Variants in MAP2K4 observed in about 807,000 individuals in gnomAD.
The protein encoded by MAP2K4 is mitogen-activated protein kinase kinase 4.
In MAP2K4, 4 loss-of-function variants were observed where a neutral mutation model predicts 48.5. That is an observed-to-expected ratio of 0.08 (90% CI 0.04 to 0.19). The LOEUF is 0.19. Among genes scored for constraint, MAP2K4 ranks in the 10% least tolerant of loss-of-function variants. The pLI, the probability that MAP2K4 is intolerant of heterozygous loss-of-function variation, is 1.00. For missense variants in MAP2K4, 258 were observed against 493.3 expected (o/e 0.52, Z 4.52); for synonymous variants, 166 against 173.1 (o/e 0.96, Z 0.32).
At chr17:12,109,205 G>A (rs1189003888) in intron 5 of MAP2K4, among the ~76,000 whole-genome samples, 1 of 151,964 alleles carries the variant, frequency 6.6e-6, no homozygotes, top group Non-Finnish European at 1.5e-5. Context: ...CCAGAACCCT[G>A]CTCTTAACCG....
chr17:12,081,592 T>A lies in MAP2K4; in HGVS notation c.393+62T>A. ...CATTAGGTGAAATTTCATGGTGCAG[T>A]AATACCACTGTTGTTGTGTTCCTAC... On this transcript the variant is annotated intron_variant, in intron 3 of 10. Coordinates refer to ENST00000353533, the MANE Select transcript of MAP2K4 (RefSeq NM_003010.4). The surrounding 1 kb of genome is among the most constrained non-coding windows in gnomAD (Gnocchi z 4.2). 6.7e-7 allele frequency: 1 copy of A among 1,497,480 alleles called. No individual in the cohort carries two copies. Among genetic ancestry groups the A allele is most frequent in the Non-Finnish European group, 9.2e-7 (1 of 1,087,626 alleles). The allele number at this position is 1,497,480 out of a possible 1,614,324, so 92.8% of individuals were successfully genotyped here.
intron 2 of MAP2K4, among the ~76,000 whole-genome samples, chr17:12,066,883 G>A (rs1384894220): frequency 1.3e-5 from 2 of 152,164 alleles, no homozygotes; most frequent in East Asian, 3.9e-4. Flanking sequence ...TAGAGACGGG[G>A]CTTCACCGTG....
At chr17:12,025,161 C>A (rs974440939) in intron 1 of MAP2K4, among the ~76,000 whole-genome samples, 20 of 152,148 alleles carry the variant, frequency 1.3e-4, no homozygotes, top group African/African-American at 4.8e-4. Context: ...GAGCACTGGA[C>A]TTAGACTCAG....
chr17:12,117,166 T>A (rs1043113634), intron 7 of MAP2K4, among the ~76,000 whole-genome samples: 1 of 152,150 alleles, frequency 6.6e-6, no homozygotes, highest in African/African-American at 2.4e-5. Flanking sequence ...CTTCAGTGCA[T>A]ATCTCCCAAG....
chr17:12,076,237 G>A (rs1970997832), intron 2 of MAP2K4, among the ~76,000 whole-genome samples: 1 of 151,292 alleles, frequency 6.6e-6, no homozygotes, highest in Non-Finnish European at 1.5e-5. Context: ...GCTTTTCTCA[G>A]TGTCCAGTCT....
intron 1 of MAP2K4, among the ~76,000 whole-genome samples, chr17:12,051,718 A>G (rs989573882): frequency 8.5e-5 from 13 of 152,138 alleles, no homozygotes; most frequent in African/African-American, 3.1e-4. Flanking sequence ...AGTTGTTTCA[A>G]GTTTTTGAAA....
At chr17:12,104,171 A>T (rs987863689) in intron 4 of MAP2K4, among the ~76,000 whole-genome samples, 2 of 152,152 alleles carry the variant, frequency 1.3e-5, no homozygotes, top group Non-Finnish European at 2.9e-5. Context: ...CTTACTTTAT[A>T]GTTTCAGTTG....
intron 3 of MAP2K4, among the ~76,000 whole-genome samples, chr17:12,085,800 G>A (rs1567651979): frequency 1.3e-5 from 2 of 152,060 alleles, no homozygotes; most frequent in Admixed American, 1.3e-4. Flanking sequence ...TGAGTAGAAC[G>A]GAACTTTAAT....
chr17:12,112,232 G>A (rs1393871754), intron 6 of MAP2K4, among the ~76,000 whole-genome samples: 1 of 152,132 alleles, frequency 6.6e-6, no homozygotes, highest in Non-Finnish European at 1.5e-5. Context: ...GGAGACCAAG[G>A]CAGCTGGATC....
chr17:12,048,622 G>A (rs926019170), intron 1 of MAP2K4, among the ~76,000 whole-genome samples: 1 of 151,904 alleles, frequency 6.6e-6, no homozygotes, highest in Non-Finnish European at 1.5e-5. Flanking sequence ...CTGATATTGC[G>A]AGTCTAACAT....
intron 3 of MAP2K4, among the ~76,000 whole-genome samples, chr17:12,088,414 A>G (rs1369168418): frequency 7.3e-6 from 1 of 137,880 alleles, no homozygotes; most frequent in Non-Finnish European, 1.5e-5. Context: ...GTAATATTAT[A>G]TATAAATTAT....
chr17:12,076,327 T>TGTG (rs1971006862), intron 2 of MAP2K4, among the ~76,000 whole-genome samples: 1 of 77,954 alleles, frequency 1.3e-5, no homozygotes, highest in Admixed American at 1.3e-4. Flanking sequence ...GTGTGTGTGT[T>TGTG]TAGTCTGTAG....
intron 1 of MAP2K4, among the ~76,000 whole-genome samples, chr17:12,030,479 TTA>T (rs370409043): frequency 1.6e-4 from 25 of 152,214 alleles, no homozygotes; most frequent in African/African-American, 6.0e-4. Context: ...TTGTAGCTAC[TTA>T]TATAGATTCT....
intron 5 of MAP2K4, among the ~76,000 whole-genome samples, chr17:12,108,160 T>C (rs200499970): frequency 6.6e-6 from 1 of 152,170 alleles, no homozygotes; most frequent in Admixed American, 6.5e-5. Flanking sequence ...TAAATAAAGC[T>C]AGGAAAAGCA....
At position 12,129,304 on chromosome 17, in the gene MAP2K4, T is replaced by C. The variant is rs377136383; in HGVS notation, c.1040+17T>C. ...CAACTTGTGGTGAGTACCTGATTTA[T>C]GAATGGTCGAACACGCATGGCGAGA... is the stretch of plus-strand genomic sequence containing the variant. On this transcript the variant is annotated intron_variant, in intron 9 of 10. Coordinates refer to ENST00000353533, the MANE Select transcript of MAP2K4 (RefSeq NM_003010.4). The C allele has an allele frequency of 7.1e-5, 114 of 1,614,204 alleles. 1 individual carries two copies. The African/African-American group carries it at 1.4e-3, about 19-fold the overall frequency.
intron 8 of MAP2K4, among the ~76,000 whole-genome samples, chr17:12,126,514 A>G (rs1190359377): frequency 6.6e-6 from 1 of 152,228 alleles, no homozygotes; most frequent in Non-Finnish European, 1.5e-5. Context: ...TTCCTGGTTC[A>G]TAAACAGCCA....
chr17:12,023,365 G>A (rs1395127467), intron 1 of MAP2K4, among the ~76,000 whole-genome samples: 1 of 152,132 alleles, frequency 6.6e-6, no homozygotes, highest in Non-Finnish European at 1.5e-5. Context: ...CCATCCAATT[G>A]TATGGGAGTC....
intron 3 of MAP2K4, among the ~76,000 whole-genome samples, chr17:12,086,653 A>G (rs1259559006): frequency 6.6e-6 from 1 of 152,186 alleles, no homozygotes; most frequent in Non-Finnish European, 1.5e-5. Context: ...TAGGGGTACA[A>G]TTAAGACAGT....
intron 7 of MAP2K4, among the ~76,000 whole-genome samples, chr17:12,122,419 A>G (rs1373930621): frequency 6.6e-6 from 1 of 152,214 alleles, no homozygotes; most frequent in East Asian, 1.9e-4. Flanking sequence ...TTCTAAATTG[A>G]TTGAGACCTG....
Sources: allele counts gnomAD v4.1 joint callset (sites outside exome capture counted in the v4.1 genomes callset), GRCh38; gene constraint gnomAD v4.1.1; non-coding constraint Gnocchi (gnomAD v3.1); transcripts MANE v1.5; gene names NCBI Gene and HGNC (gene_info 2026-07-23, HGNC 2026-07-21).